ACP2: variants seen among roughly 807,000 people sequenced by gnomAD.
The protein encoded by ACP2 is lysosomal acid phosphatase.
A neutral mutation model predicts 54.7 loss-of-function variants in ACP2; 35 were observed. That is an observed-to-expected ratio of 0.64 (90% CI 0.49 to 0.85). The LOEUF is 0.85. Among genes scored for constraint, ACP2 ranks in the 40% least tolerant of loss-of-function variants. The pLI is 0.00. For missense variants in ACP2, 492 were observed against 565.0 expected, an observed-to-expected ratio of 0.87 and a Z score of 1.31; for synonymous variants, 210 against 224.4, an observed-to-expected ratio of 0.94 and a Z score of 0.57.
In ACP2 at chr11:47,248,056, C is replaced by T. The variant is rs1453363603; in HGVS notation, c.192G>A (p.Gly64=). The T allele has an allele frequency of 6.2e-7, 1 of 1,607,890 alleles. No homozygotes were observed. The highest frequency in any genetic ancestry group is 1.1e-5 in the South Asian group (1 of 90,048). Residue 64 remains glycine (G), a synonymous_variant, in exon 2 of 11, where the codon GGG becomes GGA. Coordinates refer to ENST00000672073, the MANE Select transcript of ACP2 (RefSeq NM_001610.4). ...DPYQEEEWPQ[G]FGQLTKEGML... ...GACCCACCTTGGTTAACTGACCAAA[C>T]CCCTGGGGCCATTCTTCTTCCTGAT...
chr11:47,242,565 G>A (rs1166385620), intron 10 of ACP2, among the ~76,000 whole-genome samples, 158 bp downstream of exon 10: 1 of 152,214 alleles, frequency 6.6e-6, no homozygotes, highest in Non-Finnish European at 1.5e-5. Context: ...ACCCGAGGGT[G>A]AGAAGTGGGG....
chr11:47,242,725 G>C lies in ACP2; in HGVS notation c.1136C>G (p.Thr379Arg), dbSNP rs564407962. ...CAAGGAGGCCGGTGACAGCTCACCT[G>C]TGTCTGCAGGACCGCTTGCCAGCTG... ...ECQLASGPAD[T>R]EVIVALAVCG... The change falls in exon 10 of 11, where the codon ACA (threonine) becomes AGA (arginine). Residue 379 changes from threonine (T) to arginine (R), a missense_variant and splice_region_variant. Coordinates refer to ENST00000672073, the MANE Select transcript of ACP2 (RefSeq NM_001610.4). The C allele has an allele frequency of 6.2e-7, 1 of 1,611,756 alleles. No homozygotes were observed. The highest frequency in any genetic ancestry group is 1.1e-5 in the South Asian group (1 of 90,942).
rs1348971576 is a variant in ACP2 at position 47,243,305 on chromosome 11, C to T, written c.789G>A (p.Gln263=). ...ARLQGGVLLA[Q]IRKNLTLMAT... is the part of the protein sequence containing the mutation. Reference sequence around the variant, plus strand: ...CCATTAGGGTCAGGTTCTTCCTTATCTGAGCCAGCAGGACTCCTGAAGGAG... The same window carrying T: ...CCATTAGGGTCAGGTTCTTCCTTATTTGAGCCAGCAGGACTCCTGAAGGAG... Residue 263 remains glutamine, a synonymous_variant, in exon 8 of 11, where the codon CAG becomes CAA. Coordinates refer to ENST00000672073, the MANE Select transcript of ACP2 (RefSeq NM_001610.4). 2 of 1,614,184 alleles carry T rather than the reference C, an allele frequency of 1.2e-6. No homozygotes were observed. The highest frequency in any genetic ancestry group is 2.2e-5 in the East Asian group (1 of 44,882).
Position 47,244,699 on chromosome 11 carries a change from T to G in ACP2, c.772+36A>C, listed in dbSNP as rs1565163239. 1.9e-6 allele frequency: 3 copies of G among 1,545,098 alleles called. No homozygotes were observed. The South Asian group carries it at 3.5e-5, about 18-fold the overall frequency. On this transcript the variant is annotated intron_variant, in intron 7 of 10. Coordinates refer to ENST00000672073, the MANE Select transcript of ACP2 (RefSeq NM_001610.4). ...GCAGATTTTTAACGCCTTAGGGTCC[T>G]GAGGAGTAGAGTGACACGCTGTCCT...
Position 47,245,761 on chromosome 11 carries a change from G to A in ACP2, c.371C>T (p.Pro124Leu). The change falls in exon 4 of 11, where the codon CCC becomes CTC. Residue 124 changes from proline (P) to leucine (L), a missense_variant. By Grantham distance (98) the Pro-to-Leu change is moderately conservative. Coordinates refer to ENST00000672073, the MANE Select transcript of ACP2 (RefSeq NM_001610.4). ...AEANLAGLFP[P>L]NGMQRFNPNI... ...CGGGTTGAAGCGCTGCATCCCGTTG[G>A]GAGGGAAGAGTCCAGCCAGGTTGGC... The A allele has an allele frequency of 6.2e-7, 1 of 1,613,244 alleles. No homozygotes were observed. Among genetic ancestry groups the A allele is most frequent in the Non-Finnish European group, 8.5e-7 (1 of 1,179,446 alleles).
At chr11:47,242,608 G>T in intron 10 of ACP2, 115 bp downstream of exon 10, 1 of 1,294,754 alleles carries the variant, frequency 7.7e-7, no homozygotes, top group Non-Finnish European at 1.1e-6. Context: ...GTCGGGGAGG[G>T]AACTCCTAGC....
At chr11:47,242,610 A>G (rs1953913794) in intron 10 of ACP2, 113 bp downstream of exon 10, 1 of 1,308,696 alleles carries the variant, frequency 7.6e-7, no homozygotes, top group Non-Finnish European at 1.1e-6. Flanking sequence ...CGGGGAGGGA[A>G]CTCCTAGCAA....
At position 47,243,131 on chromosome 11, in the gene ACP2, G is replaced by A; in HGVS notation, c.856-7C>T. 6.2e-7 allele frequency: 1 copy of A among 1,614,154 alleles called. No homozygotes were observed. Among genetic ancestry groups the A allele is most frequent in the Admixed American group, 1.7e-5 (1 of 60,036 alleles). On this transcript the variant is annotated splice_polypyrimidine_tract_variant and splice_region_variant and intron_variant, in intron 8 of 10. Transcript: ENST00000672073. ...CAACCAGGGTAGTGTCGTGCTGCGG[G>A]GGAGAGGGGCTGCCCGTCAGCATTG...
chr11:47,246,162 C>CA (rs1465884881), intron 3 of ACP2, among the ~76,000 whole-genome samples: 1 of 152,166 alleles, frequency 6.6e-6, no homozygotes, highest in Admixed American at 6.6e-5. Flanking sequence ...AGTGCTGAGT[C>CA]AATCAGTAAG....
intron 1 of ACP2, 69 bp from the exon 2 acceptor site, chr11:47,248,202 T>C: frequency 7.0e-7 from 1 of 1,433,950 alleles, no homozygotes; most frequent in Non-Finnish European, 9.5e-7. Context: ...AGCCTACCTT[T>C]TGCCCCATGT....
intron 1 of ACP2, 82 bp from the exon 2 acceptor site, chr11:47,248,215 G>T: frequency 1.5e-6 from 2 of 1,374,126 alleles, no homozygotes; most frequent in South Asian, 1.4e-5. Context: ...CCCCATGTTA[G>T]GGAAGGAAGT....
At chr11:47,248,604 C>T (rs1339116178) in intron 1 of ACP2, 72 bp downstream of exon 1, 2 of 1,556,538 alleles carry the variant, frequency 1.3e-6, no homozygotes, top group Admixed American at 1.9e-5. Flanking sequence ...TTCCCGAGAT[C>T]CTCGACCTCC....
chr11:47,247,921 T>G, intron 2 of ACP2, 117 bp downstream of exon 2: 1 of 1,013,344 alleles, frequency 9.9e-7, no homozygotes, highest in Non-Finnish European at 1.5e-6. Flanking sequence ...TGAAATCTGG[T>G]CAAAGTCAGC....
At chr11:47,248,478 G>C in intron 1 of ACP2, 198 bp downstream of exon 1, 1 of 1,548,908 alleles carries the variant, frequency 6.5e-7, no homozygotes, top group Non-Finnish European at 8.7e-7. Context: ...TCTCAAGGCA[G>C]ACTCACCCCG....
Position 47,243,431 on chromosome 11 carries a change from C to T in ACP2, c.773-110G>A, listed in dbSNP as rs993488862. The T allele has an allele frequency of 4.1e-5, 34 of 834,626 alleles. No homozygotes were observed. In the African/African-American group the frequency reaches 4.6e-4, roughly 11 times the overall value. The allele number at this position is 834,626 out of a possible 1,614,324, so 51.7% of individuals were successfully genotyped here. ...CCAGGCCTGGGCCTCATCACCTACA[C>T]GGAGAACTCTTTAGTGTCATAGGGA... On this transcript the variant is annotated intron_variant, in intron 7 of 10. Transcript: ENST00000672073.
Position 47,244,886 on chromosome 11 carries a change from A to G in ACP2, c.640-19T>C. 6.3e-7 allele frequency: 1 copy of G among 1,587,012 alleles called. No homozygotes were observed. Among genetic ancestry groups the G allele is most frequent in the Non-Finnish European group, 8.6e-7 (1 of 1,163,954 alleles). ...GCGTTTGCTGTGTATCGCAGCAGGC[A>G]GGTTAGCGCCCCAGGCCTAGGCCAG... On this transcript the variant is annotated intron_variant, in intron 6 of 10. Coordinates refer to ENST00000672073, the MANE Select transcript of ACP2 (RefSeq NM_001610.4).
Position 47,243,340 on chromosome 11 carries a change from C to A in ACP2, c.773-19G>T. 6.2e-7 allele frequency: 1 copy of A among 1,610,852 alleles called. No individual in the cohort carries two copies. Among genetic ancestry groups the A allele is most frequent in the Non-Finnish European group, 8.5e-7 (1 of 1,177,252 alleles). On this transcript the variant is annotated intron_variant, in intron 7 of 10. Coordinates refer to ENST00000672073, the MANE Select transcript of ACP2 (RefSeq NM_001610.4). ...AGGACTCCTGAAGGAGAAAAGTCCC[C>A]GGTGTTGCTGGCTACAGCCACCTCT...
intron 10 of ACP2, among the ~76,000 whole-genome samples, chr11:47,241,074 A>G (rs868410811): frequency 4.6e-5 from 7 of 152,334 alleles, no homozygotes; most frequent in Middle Eastern, 3.4e-3. Context: ...AGAGTAGAGT[A>G]AGCAAGGGGC....
chr11:47,244,859 G>T lies in ACP2; in HGVS notation c.648C>A (p.His216Gln), dbSNP rs370355905. ...VYDTLFCEQT[H>Q]GLRLPPWASP... Reference sequence around the variant, plus strand: ...AGGCCCAGGGCGGCAGGCGCAGCCCGTGCGTTTGCTGTGTATCGCAGCAGG... The same window carrying T: ...AGGCCCAGGGCGGCAGGCGCAGCCCTTGCGTTTGCTGTGTATCGCAGCAGG... The change falls in exon 7 of 11, where the codon CAC (histidine) becomes CAA (glutamine). Residue 216 changes from histidine to glutamine, a missense_variant. Transcript: ENST00000672073. 13 of 1,606,470 alleles carry T rather than the reference G, an allele frequency of 8.1e-6. No individual in the cohort carries two copies. Among genetic ancestry groups the T allele is most frequent in the African/African-American group, 1.3e-5 (1 of 74,766 alleles).
Sources: allele counts gnomAD v4.1 joint callset (sites outside exome capture counted in the v4.1 genomes callset), GRCh38; gene constraint gnomAD v4.1.1; transcripts MANE v1.5; gene names NCBI Gene and HGNC (gene_info 2026-07-23, HGNC 2026-07-21).